The following ADK variants were observed in gnomAD, a reference collection of about 807,000 sequenced individuals.
ADK encodes the protein adenosine kinase, also known as N6,N6-dimethyladenosine kinase.
A neutral mutation model predicts 44.7 loss-of-function variants in ADK; 24 were observed. The observed-to-expected ratio is 0.54, with a 90% confidence interval of 0.39 to 0.76. ADK has a LOEUF of 0.76. Ranked by LOEUF, ADK falls within the 30% of genes least tolerant of loss-of-function variation. The probability of loss-of-function intolerance (pLI) is 0.00; values close to 1 mark genes in which losing one functional copy is unlikely to be tolerated. For missense variants in ADK, 321 were observed against 425.1 expected (o/e 0.76, Z 2.15); for synonymous variants, 128 against 142.6 (o/e 0.90, Z 0.73).
At chr10:74,657,602 G>C (rs945067544) in intron 9 of ADK, among the ~76,000 whole-genome samples, 5 of 152,142 alleles carry the variant, frequency 3.3e-5, no homozygotes, top group Non-Finnish European at 7.4e-5. Flanking sequence ...TACTGTACTA[G>C]ATTCTGGGAG....
intron 6 of ADK, among the ~76,000 whole-genome samples, chr10:74,425,638 A>G (rs1592194987): frequency 6.6e-6 from 1 of 152,120 alleles, no homozygotes; most frequent in South Asian, 2.1e-4. Context: ...AGCTTTCTCA[A>G]CTCCAGTGTA....
chr10:74,409,031 G>A (rs1011662476), intron 6 of ADK, among the ~76,000 whole-genome samples: 3 of 152,126 alleles, frequency 2.0e-5, no homozygotes, highest in African/African-American at 4.8e-5. Context: ...TCTATAAAAT[G>A]TTCTAGATAC....
chr10:74,225,491 C>T (rs897431912), intron 3 of ADK, among the ~76,000 whole-genome samples: 11 of 152,270 alleles, frequency 7.2e-5, no homozygotes, highest in Admixed American at 7.2e-4. Flanking sequence ...GACTTCAAGA[C>T]TATTATTTTC....
chr10:74,289,603 T>C (rs987352597), intron 3 of ADK, among the ~76,000 whole-genome samples: 3 of 152,138 alleles, frequency 2.0e-5, no homozygotes, highest in African/African-American at 7.2e-5. Flanking sequence ...ATGAAAAATA[T>C]AGAGATGATC....
intron 1 of ADK, among the ~76,000 whole-genome samples, chr10:74,155,293 G>A (rs2132026337): frequency 6.6e-6 from 1 of 151,982 alleles, no homozygotes; most frequent in Middle Eastern, 3.4e-3. Context: ...GACCAGTCTG[G>A]GCAACAAAAT....
chr10:74,520,798 A>G (rs1375943548), intron 6 of ADK, among the ~76,000 whole-genome samples: 1 of 152,038 alleles, frequency 6.6e-6, no homozygotes, highest in Non-Finnish European at 1.5e-5. Flanking sequence ...TATCTGTCCT[A>G]CTGCTACCAC....
At chr10:74,586,498 A>G (rs986589814) in intron 7 of ADK, among the ~76,000 whole-genome samples, 2 of 152,182 alleles carry the variant, frequency 1.3e-5, no homozygotes, top group African/African-American at 2.4e-5. Flanking sequence ...TGACATTTAT[A>G]TATGTGTCTT....
intron 3 of ADK, among the ~76,000 whole-genome samples, chr10:74,247,149 A>G (rs796252124): frequency 8.6e-5 from 13 of 150,944 alleles, no homozygotes; most frequent in African/African-American, 3.2e-4. Context: ...TTAGTTAAGT[A>G]CACTCATCCA....
At chr10:74,473,312 C>G (rs1438849798) in intron 6 of ADK, among the ~76,000 whole-genome samples, 1 of 152,058 alleles carries the variant, frequency 6.6e-6, no homozygotes, top group African/African-American at 2.4e-5. Flanking sequence ...AAAATAAGTT[C>G]CATGTACTCT....
At chr10:74,670,347 T>C in intron 10 of ADK, 78 bp downstream of exon 10, 1 of 1,082,768 alleles carries the variant, frequency 9.2e-7, no homozygotes, top group Non-Finnish European at 1.4e-6. Context: ...CCAAGATTTA[T>C]TCATTTAGTA....
chr10:74,302,193 A>G (rs1344380271), intron 3 of ADK, among the ~76,000 whole-genome samples: 2 of 117,876 alleles, frequency 1.7e-5, no homozygotes, highest in Non-Finnish European at 3.2e-5. Context: ...CAGTGGCGTG[A>G]TCTTGGCTCG....
intron 9 of ADK, among the ~76,000 whole-genome samples, chr10:74,642,892 T>G (rs1402317434): frequency 1.4e-5 from 2 of 146,938 alleles, no homozygotes; most frequent in Non-Finnish European, 3.0e-5. Flanking sequence ...CAGGCTGGAG[T>G]GCAGTAGCAT....
chr10:74,303,585 G>GTTTTTTTTTATTTTTTTTTTTTTT (rs1282565148), intron 3 of ADK, among the ~76,000 whole-genome samples: 1 of 64,676 alleles, frequency 1.5e-5, no homozygotes. Flanking sequence ...TGGTTTTAAT[G>GTTTTTTTTTATTTTTTTTTTTTTT]TTGTTTTTTT....
intron 6 of ADK, among the ~76,000 whole-genome samples, chr10:74,492,773 G>C (rs1564752259): frequency 6.6e-6 from 1 of 151,992 alleles, no homozygotes; most frequent in Non-Finnish European, 1.5e-5. Flanking sequence ...CTATGGATAT[G>C]ACCTATCCTT....
chr10:74,671,870 C>T (rs894295211), intron 10 of ADK, among the ~76,000 whole-genome samples: 1 of 152,176 alleles, frequency 6.6e-6, no homozygotes, highest in Non-Finnish European at 1.5e-5. Flanking sequence ...TAGCCACTAC[C>T]TCTGGCCTTG....
At chr10:74,585,935 C>T (rs1851512405) in intron 7 of ADK, among the ~76,000 whole-genome samples, 1 of 152,220 alleles carries the variant, frequency 6.6e-6, no homozygotes, top group South Asian at 2.1e-4. Flanking sequence ...GGAATTATCT[C>T]TGATATTTGG....
At chr10:74,643,447 A>G (rs116406169) in intron 9 of ADK, among the ~76,000 whole-genome samples, 2,677 of 152,188 alleles carry the variant, frequency 0.018, 72 homozygotes, top group African/African-American at 0.061. Context: ...TTCTTTTTTA[A>G]GTTGTGTCTA....
chr10:74,694,457 G>A (rs1856103996), intron 10 of ADK, among the ~76,000 whole-genome samples: 1 of 151,976 alleles, frequency 6.6e-6, no homozygotes, highest in Admixed American at 6.6e-5. Context: ...ATGCAAAACA[G>A]AAGGTTTGGG....
At chr10:74,247,079 G>A (rs1845442030) in intron 3 of ADK, among the ~76,000 whole-genome samples, 1 of 151,822 alleles carries the variant, frequency 6.6e-6, no homozygotes, top group Non-Finnish European at 1.5e-5. Context: ...GAGAACTTAT[G>A]ATCCTAATTC....
Sources: gnomAD v4.1 joint callset for allele counts (sites outside exome capture counted in the v4.1 genomes callset) on GRCh38, gnomAD v4.1.1 for gene constraint, MANE v1.5 for transcripts, NCBI Gene and HGNC (gene_info 2026-07-23, HGNC 2026-07-21) for gene names.